The following GRM8 variants were observed in gnomAD, a reference collection of about 807,000 sequenced individuals.
The protein encoded by GRM8 is metabotropic glutamate receptor 8.
GRM8 carries 47 observed loss-of-function variants against 87.2 expected under a neutral mutation model. That is an observed-to-expected ratio of 0.54 (90% confidence interval 0.43 to 0.69). GRM8 has a LOEUF of 0.69. GRM8 is among the 30% of genes least tolerant of loss of function. The pLI, the probability that GRM8 is intolerant of heterozygous loss-of-function variation, is 0.00. For synonymous variants in GRM8, 396 were observed against 404.5 expected (o/e 0.98, Z 0.25); for missense variants, 1,019 against 1,139.2 (o/e 0.89, Z 1.52).
intron 3 of GRM8, among the ~76,000 whole-genome samples, chr7:126,971,868 G>A (rs1283222559): frequency 1.3e-5 from 2 of 152,086 alleles, no homozygotes; most frequent in Non-Finnish European, 2.9e-5. Context: ...GTATAAATCA[G>A]GTAACATTTT....
intron 2 of GRM8, among the ~76,000 whole-genome samples, chr7:127,241,594 G>A (rs879629634): frequency 2.0e-5 from 3 of 151,892 alleles, no homozygotes; most frequent in Non-Finnish European, 2.9e-5. Flanking sequence ...CCACTATGCC[G>A]GGCTAATTTT....
At chr7:127,107,190 G>A (rs1206251010) in intron 2 of GRM8, among the ~76,000 whole-genome samples, 2 of 152,150 alleles carry the variant, frequency 1.3e-5, no homozygotes, top group Non-Finnish European at 2.9e-5. Flanking sequence ...TACCATTTCA[G>A]TCTTAAGACT....
intron 7 of GRM8, among the ~76,000 whole-genome samples, chr7:126,686,655 C>T (rs987466632): frequency 1.3e-5 from 2 of 152,208 alleles, no homozygotes; most frequent in African/African-American, 4.8e-5. Context: ...GCTGTGCACA[C>T]TGGCCAGACC....
chr7:127,132,686 C>T (rs1190699315), intron 2 of GRM8, among the ~76,000 whole-genome samples: 2 of 151,996 alleles, frequency 1.3e-5, no homozygotes, highest in Non-Finnish European at 2.9e-5. Flanking sequence ...CAGGAGGGAG[C>T]CTTGCCTTCC....
intron 6 of GRM8, among the ~76,000 whole-genome samples, chr7:126,882,137 GC>G (rs1376750180): frequency 6.6e-6 from 1 of 152,196 alleles, no homozygotes; most frequent in African/African-American, 2.4e-5. Context: ...GACATCTGCA[GC>G]CCCAAGGGAG....
intron 6 of GRM8, among the ~76,000 whole-genome samples, chr7:126,849,076 C>T (rs1796966703): frequency 6.6e-6 from 1 of 152,094 alleles, no homozygotes; most frequent in South Asian, 2.1e-4. Context: ...ATAGGAACAA[C>T]CTGCCCCTAT....
At chr7:126,915,059 T>C (rs1178073251) in intron 3 of GRM8, among the ~76,000 whole-genome samples, 3 of 152,144 alleles carry the variant, frequency 2.0e-5, no homozygotes, top group Non-Finnish European at 2.9e-5. Flanking sequence ...CTAGGTAGGT[T>C]CACAGGGTCA....
intron 2 of GRM8, among the ~76,000 whole-genome samples, chr7:127,173,574 C>A (rs1184785430): frequency 1.3e-5 from 2 of 152,114 alleles, no homozygotes; most frequent in African/African-American, 2.4e-5. Flanking sequence ...AACAGGGAAC[C>A]ACTGCAGGGC....
intron 10 of GRM8, among the ~76,000 whole-genome samples, chr7:126,443,112 G>A (rs1383213441): frequency 2.0e-5 from 3 of 151,910 alleles, no homozygotes; most frequent in Non-Finnish European, 4.4e-5. Context: ...GTGTTCATAA[G>A]CTAGAAAAAA....
At chr7:126,469,936 G>A (rs899187375) in intron 9 of GRM8, among the ~76,000 whole-genome samples, 6 of 152,136 alleles carry the variant, frequency 3.9e-5, no homozygotes, top group African/African-American at 1.4e-4. Flanking sequence ...ACAGGACGAT[G>A]TGGGAAACTT....
intron 9 of GRM8, among the ~76,000 whole-genome samples, chr7:126,468,167 G>GC (rs1804726886): frequency 6.6e-6 from 1 of 152,028 alleles, no homozygotes; most frequent in Non-Finnish European, 1.5e-5. Context: ...TTCAATATCT[G>GC]CCCTTATTGC....
chr7:126,921,719 T>C (rs1403780183), intron 3 of GRM8, among the ~76,000 whole-genome samples: 2 of 152,064 alleles, frequency 1.3e-5, no homozygotes, highest in African/African-American at 4.8e-5. Flanking sequence ...GAAAGCAAGT[T>C]AACTATATAT....
At chr7:126,947,269 A>G (rs1393871868) in intron 3 of GRM8, among the ~76,000 whole-genome samples, 1 of 152,262 alleles carries the variant, frequency 6.6e-6, no homozygotes, top group Admixed American at 6.5e-5. Context: ...GGTGTTTAAT[A>G]TGTCATTAAG....
At chr7:126,552,890 C>G (rs576077688) in intron 8 of GRM8, among the ~76,000 whole-genome samples, 1 of 152,106 alleles carries the variant, frequency 6.6e-6, no homozygotes, top group Non-Finnish European at 1.5e-5. Context: ...GGATTTAAGT[C>G]TCTTATTTAT....
chr7:126,591,231 T>C (rs1796640715), intron 8 of GRM8, among the ~76,000 whole-genome samples: 1 of 152,100 alleles, frequency 6.6e-6, no homozygotes, highest in Non-Finnish European at 1.5e-5. Context: ...TAGTCATTCT[T>C]ACATCAGACA....
chr7:126,889,756 T>C (rs1405398771), intron 6 of GRM8, among the ~76,000 whole-genome samples: 1 of 152,122 alleles, frequency 6.6e-6, no homozygotes, highest in East Asian at 1.9e-4. Flanking sequence ...TAATAATTTG[T>C]GTGTATTGCA....
At chr7:127,209,652 C>T (rs1162248232) in intron 2 of GRM8, among the ~76,000 whole-genome samples, 1 of 152,112 alleles carries the variant, frequency 6.6e-6, no homozygotes, top group Non-Finnish European at 1.5e-5. Context: ...GTAATGCACC[C>T]AAGGGGAAAT....
intron 2 of GRM8, among the ~76,000 whole-genome samples, chr7:127,217,806 A>G (rs536219104): frequency 4.6e-5 from 7 of 152,354 alleles, no homozygotes; most frequent in African/African-American, 1.4e-4. Context: ...TTTAATGATT[A>G]AGAGATAGTC....
chr7:126,948,088 G>C (rs1052550354), intron 3 of GRM8, among the ~76,000 whole-genome samples: 3 of 152,158 alleles, frequency 2.0e-5, no homozygotes, highest in Non-Finnish European at 2.9e-5. Context: ...CTAGGCGCTA[G>C]GGATGCACAG....
Sources: gnomAD v4.1 joint callset for allele counts (sites outside exome capture counted in the v4.1 genomes callset) on GRCh38, gnomAD v4.1.1 for gene constraint, MANE v1.5 for transcripts, NCBI Gene and HGNC (gene_info 2026-07-23, HGNC 2026-07-21) for gene names.